CACNA2D1: variants seen among roughly 807,000 people sequenced by gnomAD.
The protein encoded by CACNA2D1 is calcium voltage-gated channel auxiliary subunit alpha2delta 1, also known as voltage-dependent calcium channel subunit alpha-2/delta-1.
Under a neutral mutation model 171.5 loss-of-function variants are expected in CACNA2D1, and 53 were observed. The ratio of observed to expected loss-of-function variants is 0.31; its 90% CI spans 0.25 to 0.39. The LOEUF is 0.39. Ranked by LOEUF, CACNA2D1 falls within the 10% of genes least tolerant of loss-of-function variation. The probability of loss-of-function intolerance (pLI) is 1.00; values close to 1 mark genes in which losing one functional copy is unlikely to be tolerated. For missense variants in CACNA2D1, 903 were observed against 1,299.8 expected, an observed-to-expected ratio of 0.69 and a Z score of 4.69; for synonymous variants, 442 against 443.1, an observed-to-expected ratio of 1.00 and a Z score of 0.03.
intron 3 of CACNA2D1, among the ~76,000 whole-genome samples, chr7:82,333,503 A>G (rs1448650895): frequency 2.0e-5 from 3 of 152,028 alleles, no homozygotes; most frequent in Non-Finnish European, 4.4e-5. Flanking sequence ...GCAAGAGAAC[A>G]TGTGTAAGGG....
intron 3 of CACNA2D1, among the ~76,000 whole-genome samples, chr7:82,199,199 G>A (rs1799163200): frequency 6.6e-6 from 1 of 151,834 alleles, no homozygotes; most frequent in Non-Finnish European, 1.5e-5. Context: ...TAATTTATTT[G>A]CATTACTGAG....
In CACNA2D1 at chr7:81,997,396, TTA is replaced by T. The variant is rs772030495; in HGVS notation, c.1591-148_1591-147del. The T allele has an allele frequency of 9.9e-3, 4,181 of 421,492 alleles. 90 individuals carry two copies. Among genetic ancestry groups the T allele is most frequent in the African/African-American group, 0.055 (2,619 of 48,048 alleles). 26.1% of individuals were successfully genotyped at this position (421,492 alleles called of 1,614,324 possible). ...AAAGGTATCTTCTTTCATATATATT[TTA>T]TATATATATATAGCTTATATATAAA... On this transcript the variant is annotated intron_variant, in intron 18 of 38. Transcript: ENST00000356860.
At chr7:82,413,207 C>G (rs1300592893) in intron 1 of CACNA2D1, among the ~76,000 whole-genome samples, 1 of 152,066 alleles carries the variant, frequency 6.6e-6, no homozygotes, top group Admixed American at 6.5e-5. Context: ...TATATTTTGT[C>G]TGAGGAACAA....
At chr7:81,991,078 T>C (rs1027465401) in intron 21 of CACNA2D1, 107 bp downstream of exon 21, 12 of 679,094 alleles carry the variant, frequency 1.8e-5, no homozygotes, top group South Asian at 1.4e-4. Flanking sequence ...TATGTTTTCA[T>C]GTTGGGAACT....
chr7:82,216,166 G>C (rs1002805310), intron 3 of CACNA2D1, among the ~76,000 whole-genome samples: 11 of 152,108 alleles, frequency 7.2e-5, no homozygotes, highest in Non-Finnish European at 1.3e-4. Context: ...GGAAAAAAAT[G>C]CATCTTATAA....
At chr7:82,349,305 A>C (rs1388187012) in intron 2 of CACNA2D1, among the ~76,000 whole-genome samples, 1 of 152,074 alleles carries the variant, frequency 6.6e-6, no homozygotes, top group Non-Finnish European at 1.5e-5. Context: ...ATTTACGGAG[A>C]GTATACATAA....
rs17240387 is a variant in CACNA2D1 at position 81,967,497 on chromosome 7, T to C, written c.2463+99A>G. 0.42 allele frequency: 290,564 copies of C among 698,032 alleles called. 61,863 individuals are homozygous for C. Among genetic ancestry groups the C allele is most frequent in the East Asian group, 0.54 (19,807 of 36,662 alleles). The allele number at this position is 698,032 out of a possible 1,614,324, so 43.2% of individuals were successfully genotyped here. On this transcript the variant is annotated intron_variant, in intron 30 of 38. Coordinates refer to ENST00000356860, the MANE Select transcript of CACNA2D1 (RefSeq NM_000722.4). ...AGAATTCTACTTCAGTGTAGTGGTATTGAGAATGTATTTGCCACTGTATAA... is the reference window on the plus strand; with the variant it reads ...AGAATTCTACTTCAGTGTAGTGGTACTGAGAATGTATTTGCCACTGTATAA...
chr7:82,332,510 T>TAAAGAAAGAAAGAAAG (rs757450961), intron 3 of CACNA2D1, among the ~76,000 whole-genome samples: 3,387 of 92,192 alleles, frequency 0.037, 51 homozygotes, highest in East Asian at 0.046. Flanking sequence ...AAAAGAAATA[T>TAAAGAAAGAAAGAAAG]AAAGAAAGAA....
chr7:82,210,565 A>C (rs917834597), intron 3 of CACNA2D1, among the ~76,000 whole-genome samples: 1 of 152,100 alleles, frequency 6.6e-6, no homozygotes, highest in Non-Finnish European at 1.5e-5. Flanking sequence ...GGCTCTTCAG[A>C]GGTTACTGGA....
chr7:82,168,713 CA>C (rs34405295), intron 4 of CACNA2D1, among the ~76,000 whole-genome samples: 1 of 151,602 alleles, frequency 6.6e-6, no homozygotes, highest in African/African-American at 2.4e-5. Flanking sequence ...AATGAAACAA[CA>C]ATGATATAGG....
chr7:82,236,903 TAATA>T (rs963164947), intron 3 of CACNA2D1, among the ~76,000 whole-genome samples: 2 of 151,944 alleles, frequency 1.3e-5, no homozygotes, highest in African/African-American at 4.8e-5. Context: ...TGAAATAAAA[TAATA>T]AATAATCCAA....
chr7:82,354,737 T>C (rs1037315457), intron 1 of CACNA2D1, among the ~76,000 whole-genome samples: 1 of 152,100 alleles, frequency 6.6e-6, no homozygotes, highest in Non-Finnish European at 1.5e-5. Flanking sequence ...CTAGTCAGTA[T>C]GGCTATGTGA....
At position 81,971,811 on chromosome 7, in the gene CACNA2D1, G is replaced by T; in HGVS notation, c.2107C>A (p.Leu703Ile). 6.2e-7 allele frequency: 1 copy of T among 1,607,334 alleles called. No homozygotes were observed. The highest frequency in any genetic ancestry group is 8.5e-7 in the Non-Finnish European group (1 of 1,174,674). The change falls in exon 26 of 39, where the codon CTT becomes ATT. Residue 703 changes from leucine to isoleucine, a missense_variant. By Grantham distance (5) the Leu-to-Ile change is conservative. Around this residue, in one of 5 missense-constraint regions of CACNA2D1, gnomAD observed 623 missense variants for 925.5 expected, o/e 0.67. Coordinates refer to ENST00000356860, the MANE Select transcript of CACNA2D1 (RefSeq NM_000722.4). The part of the protein sequence containing the change: ...VLLDAGFTNE[L>I]VQNYWSKQKN... ...TGCTTACTCCAGTAATTTTGGACAAGTTCATTTGTAAAGCCTGCATCAAGC... is the reference window on the plus strand; with the variant it reads ...TGCTTACTCCAGTAATTTTGGACAATTTCATTTGTAAAGCCTGCATCAAGC...
At chr7:82,248,978 G>T (rs962031890) in intron 3 of CACNA2D1, among the ~76,000 whole-genome samples, 2 of 151,986 alleles carry the variant, frequency 1.3e-5, no homozygotes, top group African/African-American at 4.8e-5. Context: ...TTAGCTGGGC[G>T]TGGTGGCAGG....
At chr7:82,126,464 C>T (rs1790347264) in intron 5 of CACNA2D1, among the ~76,000 whole-genome samples, 2 of 152,072 alleles carry the variant, frequency 1.3e-5, no homozygotes, top group Admixed American at 6.6e-5. Flanking sequence ...TACATTGAAA[C>T]ATTATGCTCA....
intron 3 of CACNA2D1, among the ~76,000 whole-genome samples, chr7:82,217,651 C>CA (rs1182844037): frequency 6.6e-6 from 1 of 150,548 alleles, no homozygotes; most frequent in Non-Finnish European, 1.5e-5. Context: ...CACACACACA[C>CA]ACACACACAC....
chr7:82,217,509 A>G (rs1201183684), intron 3 of CACNA2D1, among the ~76,000 whole-genome samples: 1 of 149,184 alleles, frequency 6.7e-6, no homozygotes, highest in Non-Finnish European at 1.5e-5. Flanking sequence ...AAAGTCAACT[A>G]AAAAGTTTTT....
intron 3 of CACNA2D1, among the ~76,000 whole-genome samples, chr7:82,285,529 G>A (rs1810646292): frequency 6.6e-6 from 1 of 152,166 alleles, no homozygotes; most frequent in Admixed American, 6.5e-5. Flanking sequence ...TAAATGCTGA[G>A]CAGGGGGTGA....
intron 3 of CACNA2D1, among the ~76,000 whole-genome samples, chr7:82,297,082 A>AAAAAAAAAAT: frequency 6.8e-6 from 1 of 147,888 alleles, no homozygotes; most frequent in African/African-American, 2.5e-5. Context: ...CAAAAAAAAA[A>AAAAAAAAAAT]AAAAAAAAAA....
Sources: allele counts gnomAD v4.1 joint callset (sites outside exome capture counted in the v4.1 genomes callset), GRCh38; gene constraint gnomAD v4.1.1; regional missense constraint gnomAD v4.1.1; transcripts MANE v1.5; gene names NCBI Gene and HGNC (gene_info 2026-07-23, HGNC 2026-07-21).